The following SLC7A2 variants were observed in gnomAD, a reference collection of about 807,000 sequenced individuals.
SLC7A2 encodes cationic amino acid transporter 2.
Under a neutral mutation model 58.9 loss-of-function variants are expected in SLC7A2, and 48 were observed. That is an observed-to-expected ratio of 0.82 (90% confidence interval 0.65 to 1.04). SLC7A2 has a LOEUF of 1.04. Among genes scored for constraint, SLC7A2 ranks in the 50% least tolerant of loss-of-function variants. SLC7A2 has a pLI of 0.00. For missense variants in SLC7A2, 1,029 were observed against 818.8 expected (o/e 1.26, Z -3.13); for synonymous variants, 363 against 314.5 (o/e 1.15, Z -1.63).
rs533869087 is a variant in SLC7A2 at position 17,540,757 on chromosome 8, T to C, written c.-22-2561T>C. Among the ~76,000 whole-genome samples the C allele has an allele frequency of 2.6e-5, 4 of 152,272 alleles. No individual in the cohort carries two copies. In the East Asian group the frequency reaches 7.7e-4, roughly 29 times the overall value. On this transcript the variant is annotated intron_variant, in intron 2 of 12. Coordinates refer to ENST00000494857, the MANE Select transcript of SLC7A2 (RefSeq NM_001370338.1). ...TGCTTATTCTTTTATTTTTATGCTG[T>C]TTTTTCTTTAGAAATTTCACAAATA...
intron 2 of SLC7A2, among the ~76,000 whole-genome samples, chr8:17,529,503 A>G (rs780333415): frequency 6.7e-6 from 1 of 148,364 alleles, no homozygotes; most frequent in Non-Finnish European, 1.5e-5. Flanking sequence ...ACGGAGGGAC[A>G]TTTTCTTTGT....
At chr8:17,505,808 G>A (rs1274818326) in intron 2 of SLC7A2, among the ~76,000 whole-genome samples, 2 of 152,248 alleles carry the variant, frequency 1.3e-5, no homozygotes, top group Middle Eastern at 3.4e-3. Flanking sequence ...AGAAATCTCT[G>A]AGATTTAATA....
At chr8:17,544,354 C>A in intron 3 of SLC7A2, 97 bp from the exon 4 acceptor site, 1 of 1,041,252 alleles carries the variant, frequency 9.6e-7, no homozygotes. Flanking sequence ...AATTTTCAAT[C>A]TTTTGTGAAC....
At chr8:17,504,449 A>C (rs181473882) in intron 2 of SLC7A2, among the ~76,000 whole-genome samples, 1 of 152,356 alleles carries the variant, frequency 6.6e-6, no homozygotes, top group African/African-American at 2.4e-5. Flanking sequence ...ATGTAATTCT[A>C]ATTGGCGGAG....
At chr8:17,526,851 G>A (rs184730556) in intron 2 of SLC7A2, among the ~76,000 whole-genome samples, 17 of 152,246 alleles carry the variant, frequency 1.1e-4, no homozygotes, top group Admixed American at 2.0e-4. Context: ...TTACACTGGC[G>A]AATTTGGAAA....
rs1800348511 is a variant in SLC7A2, at chr8:17,505,961, T to C, written c.-23+3659T>C. Among the ~76,000 whole-genome samples, 7 of 152,320 alleles carry C rather than the reference T, an allele frequency of 4.6e-5. No individual in the cohort carries two copies. In the South Asian group the frequency reaches 1.4e-3, roughly 32 times the overall value. On this transcript the variant is annotated intron_variant, in intron 2 of 12. Coordinates refer to ENST00000494857, the MANE Select transcript of SLC7A2 (RefSeq NM_001370338.1). ...TGTTTGTTTAATAACATGCTTAAGG[T>C]ATAATATTGAGACGAAGTGAGGAAT...
chr8:17,516,503 C>A (rs527860462), intron 2 of SLC7A2, among the ~76,000 whole-genome samples: 3 of 152,194 alleles, frequency 2.0e-5, no homozygotes, highest in Non-Finnish European at 4.4e-5. Flanking sequence ...GGATGACAGG[C>A]GTGAGCCACC....
intron 2 of SLC7A2, among the ~76,000 whole-genome samples, chr8:17,532,191 C>T (rs531629193): frequency 4.6e-5 from 6 of 131,434 alleles, no homozygotes; most frequent in Non-Finnish European, 9.2e-5. Context: ...GATTGCGCCA[C>T]TACACTCCAG....
chr8:17,495,762 C>G (rs565660504), upstream of SLC7A2, among the ~76,000 whole-genome samples: 1 of 152,312 alleles, frequency 6.6e-6, no homozygotes, highest in African/African-American at 2.4e-5. Flanking sequence ...GTTGGCCAGA[C>G]TGGTCTCGAA....
intron 2 of SLC7A2, among the ~76,000 whole-genome samples, chr8:17,512,708 C>T (rs920082635): frequency 6.6e-6 from 1 of 152,096 alleles, no homozygotes; most frequent in South Asian, 2.1e-4. Flanking sequence ...GCATTAAATG[C>T]ATTCACATCG....
intron 2 of SLC7A2, among the ~76,000 whole-genome samples, chr8:17,521,703 A>G (rs58321150): frequency 0.017 from 2,608 of 152,314 alleles, 72 homozygotes; most frequent in African/African-American, 0.058. Context: ...GTGCTGCGGT[A>G]TGCTTGGCCA....
Position 17,547,197 on chromosome 8 carries a change from G to A in SLC7A2, c.533-1481G>A, listed in dbSNP as rs141531973. On this transcript the variant is annotated intron_variant, in intron 4 of 12. Coordinates refer to ENST00000494857, the MANE Select transcript of SLC7A2 (RefSeq NM_001370338.1). The stretch of plus-strand genomic sequence containing the variant: ...AATGGACTCACAGTTCCACATGGTT[G>A]GGGAGGCCTCACAGTCATGGTGGAA... Among the ~76,000 whole-genome samples the A allele has an allele frequency of 4.9e-3, 742 of 152,146 alleles. 5 individuals are homozygous for A. Among genetic ancestry groups the A allele is most frequent in the African/African-American group, 0.017 (711 of 41,518 alleles).
chr8:17,555,795 G>T (rs1207971827), intron 8 of SLC7A2, among the ~76,000 whole-genome samples: 2 of 151,976 alleles, frequency 1.3e-5, no homozygotes, highest in African/African-American at 4.8e-5. Flanking sequence ...AAATACCTTT[G>T]GCCAGATCCT....
rs754834086 is a variant in SLC7A2 at position 17,562,045 on chromosome 8, C to G, written c.1606C>G (p.Leu536Val). 6.2e-7 allele frequency: 1 copy of G among 1,614,040 alleles called. No homozygotes were observed. The highest frequency in any genetic ancestry group is 8.5e-7 in the Non-Finnish European group (1 of 1,179,998). Residue 536 changes from leucine (L) to valine (V), a missense_variant, in exon 11 of 13, where the codon CTC becomes GTC. By Grantham distance (32) the Leu-to-Val change is conservative. Coordinates refer to ENST00000494857, the MANE Select transcript of SLC7A2 (RefSeq NM_001370338.1). ...SLALLALFLV[L>V]FVAIVLTIWR... is the part of the protein sequence containing the mutation. The stretch of plus-strand genomic sequence containing the variant: ...CGCTCTCCTCGCGCTGTTTCTTGTT[C>G]TCTTCGTTGCCATCGTTCTCACCAT...
At chr8:17,535,467 A>G (rs1393006610) in intron 2 of SLC7A2, among the ~76,000 whole-genome samples, 1 of 152,186 alleles carries the variant, frequency 6.6e-6, no homozygotes, top group Non-Finnish European at 1.5e-5. Flanking sequence ...TCATATTGCA[A>G]TGGCCATCAT....
At chr8:17,535,320 C>T (rs1337876792) in intron 2 of SLC7A2, among the ~76,000 whole-genome samples, 1 of 152,138 alleles carries the variant, frequency 6.6e-6, no homozygotes, top group Non-Finnish European at 1.5e-5. Context: ...TCTCACTGAG[C>T]TTTCAGATGG....
At chr8:17,550,556 C>A in intron 6 of SLC7A2, 122 bp downstream of exon 6, 1 of 828,044 alleles carries the variant, frequency 1.2e-6, no homozygotes, top group Non-Finnish European at 1.9e-6. Flanking sequence ...GCACTAGTTC[C>A]AGGCCCAGCT....
chr8:17,536,108 CAA>C (rs35051977), intron 2 of SLC7A2, among the ~76,000 whole-genome samples: 70,824 of 142,326 alleles, frequency 0.5, 17,612 homozygotes, highest in Admixed American at 0.59. Flanking sequence ...TTCCTTGGCA[CAA>C]AAAAAAAAAA....
chr8:17,528,643 C>G (rs1431825808), intron 2 of SLC7A2, among the ~76,000 whole-genome samples: 1 of 152,132 alleles, frequency 6.6e-6, no homozygotes, highest in African/African-American at 2.4e-5. Flanking sequence ...AGGAAGTTAA[C>G]TCCGCCTGCC....
Sources: gnomAD v4.1 joint callset for allele counts (sites outside exome capture counted in the v4.1 genomes callset) on GRCh38, gnomAD v4.1.1 for gene constraint, MANE v1.5 for transcripts, NCBI Gene and HGNC (gene_info 2026-07-23, HGNC 2026-07-21) for gene names.